The following ZNF26 variants were observed in gnomAD, a reference collection of about 807,000 sequenced individuals.
The protein encoded by ZNF26 is zinc finger protein 26.
Under a neutral mutation model 54.9 loss-of-function variants are expected in ZNF26, and 32 were observed. That is an observed-to-expected ratio of 0.58 (90% CI 0.44 to 0.78). The LOEUF is 0.78. ZNF26 is among the 30% of genes least tolerant of loss of function. The pLI is 0.00. For missense variants in ZNF26, 524 were observed against 634.0 expected (o/e 0.83, Z 1.86); for synonymous variants, 221 against 209.2 (o/e 1.06, Z -0.49).
chr12:132,998,123 C>T (rs1593647224), intron 1 of ZNF26, among the ~76,000 whole-genome samples: 6 of 150,844 alleles, frequency 4.0e-5, no homozygotes, highest in African/African-American at 1.2e-4. Context: ...AGTGACCAGC[C>T]ATGTAGGCTT....
rs1211376211 is a variant in ZNF26 at position 133,021,029 on chromosome 12, TGGG to T, written c.*9552_*9554del. On this transcript the variant is annotated 3_prime_UTR_variant, in exon 4 of 4. Coordinates refer to ENST00000328654, the MANE Select transcript of ZNF26 (RefSeq NM_019591.4). ...AGGACCCCAACATATCTCTTTGAGT[TGGG>T]GGGACACTACTCAACACTGAAGTGT... is the stretch of plus-strand genomic sequence containing the variant. 1 of 152,118 alleles carries T rather than the reference TGGG, an allele frequency of 6.6e-6. No individual in the cohort carries two copies. The highest frequency in any genetic ancestry group is 2.4e-5 in the African/African-American group (1 of 41,418). The allele number at this position is 152,118 out of a possible 1,614,324, so 9.4% of individuals were successfully genotyped here. A position where few individuals can be genotyped will look rare whatever the true frequency, so the allele number is the denominator to read the frequency against.
chr12:133,002,091 T>G (rs745339596), intron 1 of ZNF26, among the ~76,000 whole-genome samples: 26 of 152,248 alleles, frequency 1.7e-4, no homozygotes, highest in Admixed American at 2.6e-4. Flanking sequence ...GTTTTCTGGT[T>G]GGATCTCCCC....
rs1052839450 is a variant in ZNF26, at chr12:133,013,071, T to C, written c.*1590T>C. 4 of 152,214 alleles carry C rather than the reference T, an allele frequency of 2.6e-5. No homozygotes were observed. Among genetic ancestry groups the C allele is most frequent in the Non-Finnish European group, 5.9e-5 (4 of 68,038 alleles). 9.4% of individuals were successfully genotyped at this position (152,214 alleles called of 1,614,324 possible). ...AATATGGTTATTGTTTCTGTACACC[T>C]GGAACGTTGTAGTGCCTGATACTGA... On this transcript the variant is annotated 3_prime_UTR_variant, in exon 4 of 4. Coordinates refer to ENST00000328654, the MANE Select transcript of ZNF26 (RefSeq NM_019591.4).
chr12:132,993,455 GTGTTTT>G (rs1230523174), intron 1 of ZNF26, among the ~76,000 whole-genome samples: 7 of 150,956 alleles, frequency 4.6e-5, no homozygotes, highest in African/African-American at 1.5e-4. Context: ...TGCCCTGTCT[GTGTTTT>G]TGTTTTTGTT....
chr12:132,986,894 T>C (rs1952834435), intron 1 of ZNF26, 21 bp downstream of exon 1: 2 of 1,599,822 alleles, frequency 1.3e-6, no homozygotes, highest in South Asian at 1.1e-5. Context: ...ACTTTCCGTG[T>C]TTAAAATTCG....
rs1159910514 is a variant in ZNF26, at chr12:133,011,101, A to G, written c.1222A>G (p.Ser408Gly). ...YGCSECGKAF[S>G]SKSYLVIHRR... is the part of the protein sequence containing the mutation. ...ATGCAGTGAATGTGGGAAGGCTTTC[A>G]GCAGCAAGTCATACCTTGTTATACA... The change falls in exon 4 of 4, where the codon AGC becomes GGC. Residue 408 changes from serine (S) to glycine (G), a missense_variant. By Grantham distance (56) the Ser-to-Gly change is moderately conservative (BLOSUM62 0). Transcript: ENST00000328654. 6.2e-7 allele frequency: 1 copy of G among 1,614,170 alleles called. No homozygotes were observed. Among genetic ancestry groups the G allele is most frequent in the Non-Finnish European group, 8.5e-7 (1 of 1,180,012 alleles).
At position 133,011,240 on chromosome 12, in the gene ZNF26, A is replaced by G. The variant is rs893228420; in HGVS notation, c.1361A>G (p.Tyr454Cys). The G allele has an allele frequency of 1.9e-6, 3 of 1,614,120 alleles. No homozygotes were observed. The highest frequency in any genetic ancestry group is 2.5e-6 in the Non-Finnish European group (3 of 1,179,998). Residue 454 changes from tyrosine to cysteine, a missense_variant, in exon 4 of 4, where the codon TAT (tyrosine) becomes TGT (cysteine). By Grantham distance (194) the Tyr-to-Cys change is radical. Coordinates refer to ENST00000328654, the MANE Select transcript of ZNF26 (RefSeq NM_019591.4). ...AGAACTCATTCAACTGAGAAGCCCT[A>G]TGAATGCAATGAATGTGAAAAAGCC... ...HQRTHSTEKP[Y>C]ECNECEKAYP...
intron 1 of ZNF26, among the ~76,000 whole-genome samples, chr12:133,000,876 A>G (rs1953202864): frequency 6.6e-6 from 1 of 152,098 alleles, no homozygotes; most frequent in African/African-American, 2.4e-5. Flanking sequence ...ATTCGTATCA[A>G]GCTTAAAGAA....
intron 3 of ZNF26, 110 bp from the exon 4 acceptor site, chr12:133,010,026 C>A: frequency 8.6e-7 from 1 of 1,167,368 alleles, no homozygotes; most frequent in Non-Finnish European, 1.2e-6. Context: ...GTGTGGTAGG[C>A]TTGTTACCAA....
Position 133,011,908 on chromosome 12 carries a change from A to G in ZNF26, c.*427A>G, listed in dbSNP as rs1953482995. ...AAAGTTGTTTTTTTAAAAATATGTAAATAATGTTCAGGAAAAACGCAGGGA... is the reference window on the plus strand; with the variant it reads ...AAAGTTGTTTTTTTAAAAATATGTAGATAATGTTCAGGAAAAACGCAGGGA... On this transcript the variant is annotated 3_prime_UTR_variant, in exon 4 of 4. Coordinates refer to ENST00000328654, the MANE Select transcript of ZNF26 (RefSeq NM_019591.4). 6.5e-6 allele frequency: 1 copy of G among 153,492 alleles called. No homozygotes were observed. The highest frequency in any genetic ancestry group is 2.4e-5 in the African/African-American group (1 of 41,442). 9.5% of individuals were successfully genotyped at this position (153,492 alleles called of 1,614,324 possible). A position where few individuals can be genotyped will look rare whatever the true frequency, so the allele number is the denominator to read the frequency against.
In ZNF26 at chr12:133,022,689, TAAAG is replaced by T. The variant is rs1387949567; in HGVS notation, c.*11210_*11213del. 2 of 152,126 alleles carry T rather than the reference TAAAG, an allele frequency of 1.3e-5. No homozygotes were observed. The highest frequency in any genetic ancestry group is 2.1e-4 in the South Asian group (1 of 4,832). 9.4% of individuals were successfully genotyped at this position (152,126 alleles called of 1,614,324 possible). A position where few individuals can be genotyped will look rare whatever the true frequency, so the allele number is the denominator to read the frequency against. ...TAAATCTGATAAAGATGTAAAAGAATAAAGAGACTATTATCCAGTTGATAAAATA... is the reference window on the plus strand; with the variant it reads ...TAAATCTGATAAAGATGTAAAAGAATAGACTATTATCCAGTTGATAAAATA... On this transcript the variant is annotated 3_prime_UTR_variant, in exon 4 of 4. Transcript: ENST00000328654.
chr12:133,007,674 G>A, intron 3 of ZNF26, 142 bp downstream of exon 3: 1 of 575,800 alleles, frequency 1.7e-6, no homozygotes, highest in Non-Finnish European at 3.1e-6. Flanking sequence ...GAAGCCAGGA[G>A]CTCCTCAGAT....
intron 1 of ZNF26, among the ~76,000 whole-genome samples, chr12:132,989,105 C>T (rs1318328939): frequency 1.5e-5 from 2 of 132,388 alleles, no homozygotes; most frequent in Non-Finnish European, 3.1e-5. Context: ...GGCACAATCT[C>T]GGCTCACTGC....
At position 133,007,465 on chromosome 12, in the gene ZNF26, C is replaced by T. The variant is rs1430664294; in HGVS notation, c.189C>T (p.Ile63=). 1 of 1,613,862 alleles carries T rather than the reference C, an allele frequency of 6.2e-7. No homozygotes were observed. Residue 63 remains isoleucine, a synonymous_variant, in exon 3 of 4, where the codon ATC becomes ATT. Coordinates refer to ENST00000328654, the MANE Select transcript of ZNF26 (RefSeq NM_019591.4). ...VGYHGTKPDL[I]FKLEQGEDPW... is the part of the protein sequence containing the mutation. ...ATCATGGTACCAAGCCTGACTTAAT[C>T]TTCAAGTTGGAACAAGGAGAAGATC...
rs1953579788 is a variant in ZNF26, at chr12:133,017,402, C to A, written c.*5921C>A. 6.6e-6 allele frequency: 1 copy of A among 152,156 alleles called. No homozygotes were observed. Among genetic ancestry groups the A allele is most frequent in the Admixed American group, 6.6e-5 (1 of 15,260 alleles). The allele number at this position is 152,156 out of a possible 1,614,324, so 9.4% of individuals were successfully genotyped here. On this transcript the variant is annotated 3_prime_UTR_variant, in exon 4 of 4. Coordinates refer to ENST00000328654, the MANE Select transcript of ZNF26 (RefSeq NM_019591.4). ...ACCTGCTGAAGGTGGTTTGAAGTAC[C>A]AGCTTAGTGGCAGTACTTGACAAGC... is the stretch of plus-strand genomic sequence containing the variant.
chr12:133,021,911 A>T lies in ZNF26; in HGVS notation c.*10430A>T, dbSNP rs1258212540. The T allele has an allele frequency of 3.3e-5, 5 of 152,166 alleles. No homozygotes were observed. Among genetic ancestry groups the T allele is most frequent in the Non-Finnish European group, 7.3e-5 (5 of 68,030 alleles). The allele number at this position is 152,166 out of a possible 1,614,324, so 9.4% of individuals were successfully genotyped here. On this transcript the variant is annotated 3_prime_UTR_variant, in exon 4 of 4. Coordinates refer to ENST00000328654, the MANE Select transcript of ZNF26 (RefSeq NM_019591.4). ...TTAAACTTTCATGTTTTGTGGAGTC[A>T]TTTCTAAATCAAATCATTAAAAAGA...
At chr12:132,987,606 G>A (rs1843435196) in intron 1 of ZNF26, 1 of 695,798 alleles carries the variant, frequency 1.4e-6, no homozygotes, top group African/African-American at 1.9e-5. Flanking sequence ...AATGCTATTG[G>A]AAGAGGGACC....
intron 1 of ZNF26, among the ~76,000 whole-genome samples, chr12:132,998,165 T>TTTTTTTC (rs1953131926): frequency 6.6e-6 from 1 of 151,906 alleles, no homozygotes; most frequent in Admixed American, 6.6e-5. Context: ...AGCTTTTTTT[T>TTTTTTTC]TTTTTTCTTT....
In ZNF26 at chr12:133,015,005, C is replaced by G. The variant is rs1418187968; in HGVS notation, c.*3524C>G. On this transcript the variant is annotated 3_prime_UTR_variant, in exon 4 of 4. Coordinates refer to ENST00000328654, the MANE Select transcript of ZNF26 (RefSeq NM_019591.4). Reference sequence around the variant, plus strand: ...TGCTGGATTGTATCCATTATGTGTTCCTAAGACCCTCAGCCCTCTCCCTCC... The same window carrying G: ...TGCTGGATTGTATCCATTATGTGTTGCTAAGACCCTCAGCCCTCTCCCTCC... 6.6e-6 allele frequency: 1 copy of G among 152,044 alleles called. No individual in the cohort carries two copies. The allele number at this position is 152,044 out of a possible 1,614,324, so 9.4% of individuals were successfully genotyped here.
Sources: gnomAD v4.1 joint callset for allele counts (sites outside exome capture counted in the v4.1 genomes callset) on GRCh38, gnomAD v4.1.1 for gene constraint, MANE v1.5 for transcripts, NCBI Gene and HGNC (gene_info 2026-07-23, HGNC 2026-07-21) for gene names.